LBH: variants seen among roughly 807,000 people sequenced by gnomAD.
LBH encodes LBH regulator of Wnt signaling pathway.
LBH carries 7 observed loss-of-function variants against 12.5 expected under a neutral mutation model. The ratio of observed to expected loss-of-function variants is 0.56; its 90% CI spans 0.32 to 1.05. The LOEUF is 1.05. Among genes scored for constraint, LBH ranks in the 50% least tolerant of loss-of-function variants. LBH has a pLI of 0.04. For synonymous variants in LBH, 51 were observed against 50.1 expected (o/e 1.02, Z -0.08); for missense variants, 119 against 138.9 (o/e 0.86, Z 0.72).
rs966489422 is a variant in LBH at position 30,231,985 on chromosome 2, G to A, written c.26+221G>A. 2.0e-5 allele frequency among the ~76,000 whole-genome samples: 3 copies of A among 152,130 alleles called. No homozygotes were observed. The East Asian group carries it at 5.8e-4, about 30-fold the overall frequency. On this transcript the variant is annotated intron_variant, in intron 1 of 2. Transcript: ENST00000395323. ...TCCAGACAAAGGACGTGAACTCGGA[G>A]CCCTCACCTAAGTGACGGCCGGAGG...
At chr2:30,251,171 C>T (rs1412067567) in intron 2 of LBH, among the ~76,000 whole-genome samples, 1 of 151,038 alleles carries the variant, frequency 6.6e-6, no homozygotes, top group African/African-American at 2.4e-5. Context: ...CCTCCCACCT[C>T]AGCCCCACAA....
intron 1 of LBH, among the ~76,000 whole-genome samples, chr2:30,233,497 A>G (rs1476551719): frequency 6.6e-6 from 1 of 152,260 alleles, no homozygotes; most frequent in Non-Finnish European, 1.5e-5. Flanking sequence ...GTTTTAAACC[A>G]TGTGCACAGG....
At chr2:30,239,542 C>T (rs1223532811) in intron 2 of LBH, among the ~76,000 whole-genome samples, 1 of 152,218 alleles carries the variant, frequency 6.6e-6, no homozygotes, top group Non-Finnish European at 1.5e-5. Context: ...TAAAAGGCCT[C>T]AGTAGTCCCT....
At chr2:30,252,387 G>A (rs565097184) in intron 2 of LBH, among the ~76,000 whole-genome samples, 1 of 152,170 alleles carries the variant, frequency 6.6e-6, no homozygotes, top group Non-Finnish European at 1.5e-5. Flanking sequence ...TTTAGGCCAG[G>A]TGCAGTGGCT....
rs767669395 is a variant in LBH, at chr2:30,231,722, G to A, written c.-17G>A. 6.3e-7 allele frequency: 1 copy of A among 1,590,286 alleles called. No individual in the cohort carries two copies. Among genetic ancestry groups the A allele is most frequent in the Non-Finnish European group, 8.6e-7 (1 of 1,168,492 alleles). Reference sequence around the variant, plus strand: ...TTTTAAATCACAGGGGCGTGTGTCAGCCTGCCCTAGGACTTCATGTCTATA... The same window carrying A: ...TTTTAAATCACAGGGGCGTGTGTCAACCTGCCCTAGGACTTCATGTCTATA... On this transcript the variant is annotated 5_prime_UTR_variant, in exon 1 of 3. Transcript: ENST00000395323.
chr2:30,251,836 T>A (rs1677984423), intron 2 of LBH, among the ~76,000 whole-genome samples: 1 of 152,134 alleles, frequency 6.6e-6, no homozygotes, highest in Non-Finnish European at 1.5e-5. Context: ...TGATTTAGTA[T>A]GAGGATGATG....
At chr2:30,255,392 C>T (rs936655435) in intron 2 of LBH, among the ~76,000 whole-genome samples, 17 of 114,140 alleles carry the variant, frequency 1.5e-4, no homozygotes, top group African/African-American at 4.7e-4. Context: ...AGTCGGGGTC[C>T]GTGTCCCCCT....
chr2:30,245,639 C>A (rs547303648), intron 2 of LBH, among the ~76,000 whole-genome samples: 1 of 152,138 alleles, frequency 6.6e-6, no homozygotes, highest in South Asian at 2.1e-4. Context: ...CTTAAGAATC[C>A]GGATAACTGG....
intron 2 of LBH, among the ~76,000 whole-genome samples, chr2:30,247,489 C>CTCACTTTG (rs1677895349): frequency 6.6e-6 from 1 of 152,220 alleles, no homozygotes; most frequent in Admixed American, 6.5e-5. Context: ...AAGTGACAGG[C>CTCACTTTG]TCACTTTGTC....
intron 2 of LBH, 131 bp from the exon 3 acceptor site, chr2:30,257,302 C>T (rs1678102429): frequency 1.1e-6 from 1 of 934,670 alleles, no homozygotes; most frequent in African/African-American, 1.6e-5. Flanking sequence ...ACTCCACAGC[C>T]TCCCGAGTGC....
intron 2 of LBH, among the ~76,000 whole-genome samples, chr2:30,255,530 T>C (rs1414095863): frequency 6.6e-6 from 1 of 152,220 alleles, no homozygotes; most frequent in African/African-American, 2.4e-5. Flanking sequence ...GGCTTAAGGC[T>C]TAATCCCCAG....
intron 2 of LBH, among the ~76,000 whole-genome samples, chr2:30,254,558 A>G (rs774187039): frequency 8.6e-5 from 13 of 151,654 alleles, no homozygotes; most frequent in East Asian, 3.9e-4. Flanking sequence ...GTGAAATCCA[A>G]TGCTTCCCAC....
At chr2:30,251,717 TTTTTA>T (rs1157816250) in intron 2 of LBH, among the ~76,000 whole-genome samples, 2 of 150,914 alleles carry the variant, frequency 1.3e-5, no homozygotes, top group Non-Finnish European at 3.0e-5. Flanking sequence ...GTGGCTAAAA[TTTTTA>T]TTTTATTTTT....
At chr2:30,232,292 A>C in intron 1 of LBH, 2 of 1,467,746 alleles carry the variant, frequency 1.4e-6, no homozygotes, top group Non-Finnish European at 1.8e-6. Context: ...AGCCACAAGC[A>C]GCAGGGCACG....
At chr2:30,239,417 A>G (rs1677748222) in intron 2 of LBH, among the ~76,000 whole-genome samples, 1 of 152,092 alleles carries the variant, frequency 6.6e-6, no homozygotes, top group Admixed American at 6.5e-5. Context: ...CCCCTGTCTC[A>G]TTGCTTACTC....
chr2:30,234,326 C>A, intron 1 of LBH, 79 bp from the exon 2 acceptor site: 3 of 1,092,386 alleles, frequency 2.7e-6, no homozygotes, highest in Admixed American at 1.7e-5. Context: ...TCCCCTGATC[C>A]CACAGCAGTG....
chr2:30,232,171 C>T (rs1190986781), intron 1 of LBH: 15 of 1,542,198 alleles, frequency 9.7e-6, no homozygotes, highest in African/African-American at 2.8e-5. Flanking sequence ...GCATGCAAGT[C>T]TCAACGTCGA....
At chr2:30,243,525 CTTTTT>C (rs886828942) in intron 2 of LBH, among the ~76,000 whole-genome samples, 41 of 110,170 alleles carry the variant, frequency 3.7e-4, no homozygotes, top group Middle Eastern at 5.3e-3. Flanking sequence ...GGGCTGGACT[CTTTTT>C]TTTTTTTTTT....
chr2:30,244,783 G>A (rs773332386), intron 2 of LBH, among the ~76,000 whole-genome samples: 10 of 152,214 alleles, frequency 6.6e-5, no homozygotes, highest in Middle Eastern at 3.4e-3. Flanking sequence ...GTGTGCACCC[G>A]TAGTCCCAGC....
Sources: gnomAD v4.1 joint callset for allele counts (sites outside exome capture counted in the v4.1 genomes callset) on GRCh38, gnomAD v4.1.1 for gene constraint, MANE v1.5 for transcripts, NCBI Gene and HGNC (gene_info 2026-07-23, HGNC 2026-07-21) for gene names.